SPAG17: variants seen among roughly 807,000 people sequenced by gnomAD.
SPAG17 encodes sperm associated antigen 17, also known as sperm-associated antigen 17.
Under a neutral mutation model 273.6 loss-of-function variants are expected in SPAG17, and 169 were observed. The observed-to-expected ratio is 0.62, with a 90% CI of 0.55 to 0.70. The LOEUF (loss-of-function observed/expected upper bound fraction) is 0.70, where lower values mean the gene tolerates loss of function less well. Among genes scored for constraint, SPAG17 ranks in the 30% least tolerant of loss-of-function variants. The pLI, the probability that SPAG17 is intolerant of heterozygous loss-of-function variation, is 0.00. For synonymous variants in SPAG17, 825 were observed against 873.2 expected (o/e 0.94, Z 0.97); for missense variants, 2,557 against 2,627.8 (o/e 0.97, Z 0.59).
intron 32 of SPAG17, among the ~76,000 whole-genome samples, chr1:118,002,347 T>C (rs1460175056): frequency 2.6e-5 from 4 of 152,200 alleles, no homozygotes; most frequent in East Asian, 3.9e-4. Flanking sequence ...TTCTGCTTGG[T>C]GCAGAACTGA....
At chr1:118,017,668 T>C (rs1660110064) in intron 28 of SPAG17, among the ~76,000 whole-genome samples, 1 of 152,130 alleles carries the variant, frequency 6.6e-6, no homozygotes, top group African/African-American at 2.4e-5. Flanking sequence ...GTTAGAAGGT[T>C]TTAAAGTATT....
At chr1:118,173,730 C>T (rs1361213553) in intron 1 of SPAG17, among the ~76,000 whole-genome samples, 1 of 151,970 alleles carries the variant, frequency 6.6e-6, no homozygotes, top group Non-Finnish European at 1.5e-5. Context: ...GGTGTGGTGG[C>T]ATATACCTGT....
At position 118,101,897 on chromosome 1, in the gene SPAG17, C is replaced by T. The variant is rs1322553695; in HGVS notation, c.477G>A (p.Lys159=). The T allele has an allele frequency of 6.2e-7, 1 of 1,613,142 alleles. No homozygotes were observed. ...KVIEDKPKLE[K]DKGKAKSPKE... The stretch of plus-strand genomic sequence containing the variant: ...TGGGAGATTTTGCTTTCCCTTTATC[C>T]TTTTCTAACTTAGGTTTGTCTTCTA... Residue 159 remains lysine (K), a synonymous_variant, in exon 5 of 49, where the codon AAG becomes AAA. Coordinates refer to ENST00000336338, the MANE Select transcript of SPAG17 (RefSeq NM_206996.4).
intron 41 of SPAG17, 135 bp from the exon 42 acceptor site, chr1:117,984,048 A>G (rs1656129166): frequency 5.7e-6 from 3 of 524,404 alleles, no homozygotes; most frequent in South Asian, 3.0e-5. Flanking sequence ...CTAAAATTCT[A>G]CAAGAGACTG....
At chr1:118,045,187 T>C (rs987450207) in intron 20 of SPAG17, among the ~76,000 whole-genome samples, 1 of 152,194 alleles carries the variant, frequency 6.6e-6, no homozygotes, top group Non-Finnish European at 1.5e-5. Flanking sequence ...TGGAATTTCA[T>C]AAGTGATAGG....
intron 13 of SPAG17, among the ~76,000 whole-genome samples, chr1:118,082,139 C>CT (rs1654630550): frequency 1.3e-5 from 2 of 152,188 alleles, no homozygotes; most frequent in African/African-American, 4.8e-5. Context: ...CATAATTGCA[C>CT]TTCAAAGTTT....
intron 29 of SPAG17, 107 bp downstream of exon 29, chr1:118,015,858 T>A: frequency 1.0e-6 from 1 of 987,424 alleles, no homozygotes; most frequent in South Asian, 1.6e-5. Flanking sequence ...ATCCACTACT[T>A]AACAGACATT....
At chr1:118,168,523 G>T (rs1407491326) in intron 1 of SPAG17, among the ~76,000 whole-genome samples, 1 of 152,114 alleles carries the variant, frequency 6.6e-6, no homozygotes, top group African/African-American at 2.4e-5. Context: ...AATAATCAGT[G>T]AATTTAATCC....
chr1:117,987,754 G>T, intron 40 of SPAG17, 80 bp downstream of exon 40: 1 of 1,412,674 alleles, frequency 7.1e-7, no homozygotes, highest in Non-Finnish European at 9.9e-7. Context: ...GTGCCTGGCA[G>T]GACATTTTGG....
chr1:117,997,939 G>A (rs1557885167), intron 32 of SPAG17, among the ~76,000 whole-genome samples: 1 of 152,134 alleles, frequency 6.6e-6, no homozygotes, highest in Non-Finnish European at 1.5e-5. Context: ...GAGGTGAGGG[G>A]ATAGTCGTGG....
chr1:118,069,529 G>C (rs1377974732), intron 17 of SPAG17, among the ~76,000 whole-genome samples: 1 of 152,084 alleles, frequency 6.6e-6, no homozygotes, highest in Non-Finnish European at 1.5e-5. Context: ...ATGGACAAGG[G>C]AAGAAATGCT....
chr1:117,956,234 T>C (rs1241904770), intron 48 of SPAG17, among the ~76,000 whole-genome samples: 2 of 152,334 alleles, frequency 1.3e-5, no homozygotes, highest in Admixed American at 1.3e-4. Flanking sequence ...CCCAACATTT[T>C]GGGACACTTG....
At chr1:118,093,007 C>T in intron 8 of SPAG17, 149 bp downstream of exon 8, 2 of 789,688 alleles carry the variant, frequency 2.5e-6, no homozygotes, top group Non-Finnish European at 3.8e-6. Flanking sequence ...TCACAAAGCC[C>T]CCATCATGTA....
At chr1:118,053,495 A>T (rs1651299132) in intron 20 of SPAG17, among the ~76,000 whole-genome samples, 1 of 152,076 alleles carries the variant, frequency 6.6e-6, no homozygotes, top group African/African-American at 2.4e-5. Flanking sequence ...TGATCTAATC[A>T]ACACCCAAAT....
intron 26 of SPAG17, among the ~76,000 whole-genome samples, 200 bp from the exon 27 acceptor site, chr1:118,025,616 G>C (rs1647652242): frequency 1.3e-5 from 2 of 152,052 alleles, no homozygotes; most frequent in Admixed American, 1.3e-4. Context: ...CAAGCCTTCT[G>C]AGCAGCTGGG....
At chr1:118,015,716 G>A (rs947094078) in intron 29 of SPAG17, among the ~76,000 whole-genome samples, 1 of 152,134 alleles carries the variant, frequency 6.6e-6, no homozygotes, top group Middle Eastern at 3.2e-3. Flanking sequence ...TTAGCATTTT[G>A]TTCTGACGTG....
intron 28 of SPAG17, among the ~76,000 whole-genome samples, chr1:118,022,508 A>T (rs996085169): frequency 6.6e-6 from 1 of 152,194 alleles, no homozygotes; most frequent in Non-Finnish European, 1.5e-5. Flanking sequence ...AATAAGATGC[A>T]TTGATTATCA....
At position 118,097,761 on chromosome 1, in the gene SPAG17, T is replaced by A; in HGVS notation, c.920A>T (p.Lys307Ile). 6.2e-7 allele frequency: 1 copy of A among 1,611,156 alleles called. No individual in the cohort carries two copies. The highest frequency in any genetic ancestry group is 2.2e-5 in the East Asian group (1 of 44,618). ...AACATCAAAGAGATTTGTTTCAGGT[T>A]TCTCATTATTCAGGACTGGTTCCAA... ...KYLEPVLNNE[K>I]PETNLFDVAR... Residue 307 changes from lysine to isoleucine, a missense_variant, in exon 7 of 49, where the codon AAA becomes ATA. Transcript: ENST00000336338.
intron 20 of SPAG17, among the ~76,000 whole-genome samples, chr1:118,052,173 T>C (rs1017439508): frequency 1.4e-5 from 2 of 147,298 alleles, no homozygotes; most frequent in African/African-American, 4.9e-5. Context: ...TATAAACTAT[T>C]ATATATATAA....
Sources: allele counts gnomAD v4.1 joint callset (sites outside exome capture counted in the v4.1 genomes callset), GRCh38; gene constraint gnomAD v4.1.1; transcripts MANE v1.5; gene names NCBI Gene and HGNC (gene_info 2026-07-23, HGNC 2026-07-21).